The following TACR3 variants were observed in gnomAD, a reference collection of about 807,000 sequenced individuals.
TACR3 encodes neuromedin-K receptor.
TACR3 carries 34 observed loss-of-function variants against 35.0 expected under a neutral mutation model. The observed-to-expected ratio is 0.97, with a 90% CI of 0.74 to 1.30. The LOEUF (loss-of-function observed/expected upper bound fraction) is 1.30. Ranked by LOEUF, TACR3 falls within the 50% of genes most tolerant of loss-of-function variation. The pLI is 0.00. For synonymous variants in TACR3, 233 were observed against 221.1 expected, an observed-to-expected ratio of 1.05 and a Z score of -0.48; for missense variants, 558 against 591.7, an observed-to-expected ratio of 0.94 and a Z score of 0.59.
chr4:103,641,987 G>A (rs191698464), intron 3 of TACR3, among the ~76,000 whole-genome samples: 29 of 151,958 alleles, frequency 1.9e-4, no homozygotes, highest in Admixed American at 1.3e-3. Context: ...GAGGGAATGG[G>A]AGATGTTGAT....
At chr4:103,641,088 A>G (rs1332139104) in intron 3 of TACR3, among the ~76,000 whole-genome samples, 2 of 151,858 alleles carry the variant, frequency 1.3e-5, no homozygotes, top group Admixed American at 1.3e-4. Context: ...ATATACTATG[A>G]TTTAAGGGTT....
At chr4:103,681,278 T>A (rs531139157) in intron 1 of TACR3, among the ~76,000 whole-genome samples, 4 of 152,208 alleles carry the variant, frequency 2.6e-5, no homozygotes, top group Non-Finnish European at 5.9e-5. Context: ...CCACTCACTT[T>A]TTGATGCTAA....
intron 3 of TACR3, chr4:103,624,323 T>G (rs1724845651): frequency 6.6e-6 from 1 of 152,124 alleles, no homozygotes; most frequent in South Asian, 2.1e-4. Context: ...TGCAGAGATT[T>G]ATATAAGACT....
intron 1 of TACR3, among the ~76,000 whole-genome samples, chr4:103,690,500 C>G (rs1053507412): frequency 6.6e-6 from 1 of 151,892 alleles, no homozygotes; most frequent in African/African-American, 2.4e-5. Flanking sequence ...ATGCATGAAG[C>G]AAAAACAGAA....
chr4:103,641,385 T>G (rs992394474), intron 3 of TACR3, among the ~76,000 whole-genome samples: 3 of 151,968 alleles, frequency 2.0e-5, no homozygotes, highest in Admixed American at 6.6e-5. Flanking sequence ...TGTTCAACAG[T>G]ACTAATCATG....
intron 1 of TACR3, among the ~76,000 whole-genome samples, chr4:103,660,579 AT>A (rs1039164155): frequency 1.3e-5 from 2 of 151,890 alleles, no homozygotes; most frequent in Non-Finnish European, 2.9e-5. Flanking sequence ...ACACAAGGAA[AT>A]TTTTTGAGGT....
At chr4:103,631,141 C>T (rs115207499) in intron 3 of TACR3, among the ~76,000 whole-genome samples, 1 of 152,014 alleles carries the variant, frequency 6.6e-6, no homozygotes, top group Non-Finnish European at 1.5e-5. Context: ...AACACTGGGA[C>T]ACAGGGCAGG....
chr4:103,627,325 G>T (rs1389499399), intron 3 of TACR3, among the ~76,000 whole-genome samples: 1 of 140,866 alleles, frequency 7.1e-6, no homozygotes, highest in Non-Finnish European at 1.5e-5. Context: ...GACCAGTCTG[G>T]CCAACATGGT....
At chr4:103,637,035 C>G (rs1175374958) in intron 3 of TACR3, among the ~76,000 whole-genome samples, 2 of 152,266 alleles carry the variant, frequency 1.3e-5, no homozygotes, top group African/African-American at 4.8e-5. Context: ...ACCATTCCTT[C>G]TGAAACTATT....
chr4:103,706,513 CTG>C (rs1473724090), intron 1 of TACR3, among the ~76,000 whole-genome samples: 2 of 151,698 alleles, frequency 1.3e-5, no homozygotes, highest in African/African-American at 4.8e-5. Context: ...GGAAATATAT[CTG>C]TGTATATATA....
chr4:103,689,153 A>G (rs1164045171), intron 1 of TACR3, among the ~76,000 whole-genome samples: 8 of 150,560 alleles, frequency 5.3e-5, no homozygotes, highest in Admixed American at 4.6e-4. Context: ...CGCAAGAACA[A>G]AAAACCAAAC....
At chr4:103,621,990 G>A (rs1578230417) in intron 3 of TACR3, among the ~76,000 whole-genome samples, 1 of 152,158 alleles carries the variant, frequency 6.6e-6, no homozygotes, top group African/African-American at 2.4e-5. Context: ...GTAAAGAGTA[G>A]CATTTAAGTG....
chr4:103,681,584 G>A (rs551565442), intron 1 of TACR3, among the ~76,000 whole-genome samples: 1 of 152,166 alleles, frequency 6.6e-6, no homozygotes, highest in South Asian at 2.1e-4. Context: ...AATCCTAAAT[G>A]CACATAATAA....
chr4:103,658,521 C>A, intron 1 of TACR3, 118 bp from the exon 2 acceptor site: 3 of 935,824 alleles, frequency 3.2e-6, no homozygotes, highest in Non-Finnish European at 5.0e-6. Flanking sequence ...TTTTGGGAAA[C>A]CAGTTGATAA....
intron 1 of TACR3, among the ~76,000 whole-genome samples, chr4:103,683,936 C>T (rs932784519): frequency 2.9e-4 from 44 of 151,462 alleles, no homozygotes; most frequent in African/African-American, 8.3e-4. Flanking sequence ...AATTTGAGAC[C>T]GGTTTTAATA....
intron 1 of TACR3, among the ~76,000 whole-genome samples, chr4:103,680,902 T>C (rs771138223): frequency 1.3e-5 from 2 of 151,924 alleles, no homozygotes; most frequent in Non-Finnish European, 2.9e-5. Flanking sequence ...GATAACAGCA[T>C]TCACATTTTT....
At chr4:103,647,828 C>T (rs1306713638) in intron 3 of TACR3, among the ~76,000 whole-genome samples, 1 of 151,848 alleles carries the variant, frequency 6.6e-6, no homozygotes, top group Non-Finnish European at 1.5e-5. Context: ...TATTTTTAAA[C>T]TATTGCTACT....
intron 3 of TACR3, among the ~76,000 whole-genome samples, chr4:103,621,417 G>C (rs1724780544): frequency 6.6e-6 from 1 of 152,044 alleles, no homozygotes; most frequent in South Asian, 2.1e-4. Flanking sequence ...TTTTAATAAG[G>C]GTATTCATAA....
At chr4:103,606,301 G>A (rs559707215) in intron 3 of TACR3, among the ~76,000 whole-genome samples, 5,498 of 150,044 alleles carry the variant, frequency 0.037, 334 homozygotes, top group African/African-American at 0.12. Flanking sequence ...TTGACTTGGC[G>A]ATGCGGGCTC....
Sources: allele counts gnomAD v4.1 joint callset (sites outside exome capture counted in the v4.1 genomes callset), GRCh38; gene constraint gnomAD v4.1.1; transcripts MANE v1.5; gene names NCBI Gene and HGNC (gene_info 2026-07-23, HGNC 2026-07-21).